The following PHF14 variants were observed in gnomAD, a reference collection of about 807,000 sequenced individuals.
PHF14 encodes PHD finger protein 14.
A neutral mutation model predicts 117.9 loss-of-function variants in PHF14; 55 were observed. That is an observed-to-expected ratio of 0.47 (90% confidence interval 0.38 to 0.58). PHF14 has a LOEUF of 0.58. Among genes scored for constraint, PHF14 ranks in the 20% least tolerant of loss-of-function variants. PHF14 has a pLI of 0.00. For synonymous variants in PHF14, 409 were observed against 368.6 expected (o/e 1.11, Z -1.26); for missense variants, 978 against 1,122.2 (o/e 0.87, Z 1.84).
intron 16 of PHF14, among the ~76,000 whole-genome samples, chr7:11,065,460 A>G (rs562216599): frequency 2.0e-5 from 3 of 152,244 alleles, no homozygotes; most frequent in Admixed American, 2.0e-4. Context: ...GTAATGACTG[A>G]GTATTCTTTT....
intron 4 of PHF14, among the ~76,000 whole-genome samples, chr7:11,005,478 T>G (rs905953654): frequency 2.0e-5 from 3 of 152,198 alleles, no homozygotes; most frequent in Admixed American, 6.5e-5. Flanking sequence ...CAAACACTTC[T>G]CTCTCTTTCT....
At chr7:10,978,944 A>T (rs1208676881) in intron 2 of PHF14, among the ~76,000 whole-genome samples, 2 of 152,182 alleles carry the variant, frequency 1.3e-5, no homozygotes, top group Non-Finnish European at 1.5e-5. Flanking sequence ...TTTTGGTCAA[A>T]CATAGCCCTG....
intron 16 of PHF14, among the ~76,000 whole-genome samples, chr7:11,075,065 G>A (rs1035922737): frequency 6.6e-6 from 1 of 151,330 alleles, no homozygotes; most frequent in African/African-American, 2.4e-5. Flanking sequence ...AGCCTCCTGA[G>A]TAGCTGGGAC....
chr7:11,131,616 G>A (rs1386244109), intron 17 of PHF14, among the ~76,000 whole-genome samples: 1 of 151,822 alleles, frequency 6.6e-6, no homozygotes, highest in African/African-American at 2.4e-5. Context: ...GTTTTTTGCA[G>A]AGTAGAAGTT....
intron 4 of PHF14, among the ~76,000 whole-genome samples, chr7:11,004,207 A>G (rs1294985112): frequency 6.8e-6 from 1 of 147,530 alleles, no homozygotes; most frequent in East Asian, 2.0e-4. Flanking sequence ...AGATTGCACC[A>G]CTGCATTCCA....
intron 7 of PHF14, 106 bp from the exon 8 acceptor site, chr7:11,035,534 G>A (rs1356901865): frequency 1.7e-6 from 1 of 586,736 alleles, no homozygotes; most frequent in Non-Finnish European, 2.7e-6. Context: ...GATGTAACTA[G>A]CACTAGTAGA....
In PHF14 at chr7:10,974,314, C is replaced by G. The variant is rs1165489716; in HGVS notation, c.-10C>G. On this transcript the variant is annotated 5_prime_UTR_variant, in exon 1 of 18. Transcript: ENST00000634607. ...AAGTCTTCTCCAAACGACCACCTCA[C>G]GGATTCCTTAGTAAGTGTATCCGAG... 1.9e-6 allele frequency: 3 copies of G among 1,590,570 alleles called. No homozygotes were observed. The African/African-American group carries it at 4.0e-5, about 21-fold the overall frequency.
intron 1 of PHF14, 149 bp from the exon 2 acceptor site, chr7:10,974,686 A>C: frequency 4.9e-6 from 3 of 612,362 alleles, no homozygotes; most frequent in Non-Finnish European, 8.7e-6. Context: ...CTGCTTCTGC[A>C]CCCCAACCTT....
intron 5 of PHF14, among the ~76,000 whole-genome samples, chr7:11,017,339 C>T (rs1562421990): frequency 6.6e-6 from 1 of 152,174 alleles, no homozygotes; most frequent in Non-Finnish European, 1.5e-5. Context: ...CATGGTTGTA[C>T]TAATATACAT....
chr7:11,166,447 TATCAATTATA>T (rs1789204135), intron 17 of PHF14, among the ~76,000 whole-genome samples: 1 of 152,210 alleles, frequency 6.6e-6, no homozygotes, highest in Non-Finnish European at 1.5e-5. Flanking sequence ...TGCAGTCATT[TATCAATTATA>T]TTTTATTTGC....
At chr7:11,005,787 CTTTTTTTTTTTTTT>C (rs951270672) in intron 4 of PHF14, among the ~76,000 whole-genome samples, 201 of 84,482 alleles carry the variant, frequency 2.4e-3, no homozygotes, top group African/African-American at 8.1e-3. Flanking sequence ...AGTAAAAATT[CTTTTTTTTTTTTTT>C]TTTTTTTTTT....
intron 17 of PHF14, among the ~76,000 whole-genome samples, chr7:11,117,606 T>TACAAATATGTATTTATATGTATAAAC: frequency 6.6e-6 from 1 of 151,274 alleles, no homozygotes; most frequent in East Asian, 1.9e-4. Context: ...TATGTATAAA[T>TACAAATATGTATTTATATGTATAAAC]ACAAATATGT....
intron 16 of PHF14, among the ~76,000 whole-genome samples, chr7:11,083,962 A>T (rs550177222): frequency 1.3e-5 from 2 of 152,218 alleles, no homozygotes; most frequent in African/African-American, 4.8e-5. Flanking sequence ...AGGTAGATTC[A>T]AGCAAAGTTT....
chr7:11,099,183 G>C (rs1786995886), intron 16 of PHF14, among the ~76,000 whole-genome samples: 1 of 152,016 alleles, frequency 6.6e-6, no homozygotes, highest in Admixed American at 6.6e-5. Context: ...TAATTAAGTT[G>C]ATTTGCTGAT....
chr7:11,141,479 C>T (rs1375166180), intron 17 of PHF14, among the ~76,000 whole-genome samples: 1 of 151,982 alleles, frequency 6.6e-6, no homozygotes, highest in Non-Finnish European at 1.5e-5. Context: ...GTATATATAT[C>T]TCACAGTATG....
intron 16 of PHF14, chr7:11,103,139 G>A (rs1787145657): frequency 1.0e-6 from 1 of 978,214 alleles, no homozygotes; most frequent in Non-Finnish European, 1.2e-6. Flanking sequence ...TGAAAGACTT[G>A]TGAAGCATAT....
intron 4 of PHF14, among the ~76,000 whole-genome samples, chr7:11,000,600 A>C (rs1224584429): frequency 3.9e-5 from 6 of 152,090 alleles, no homozygotes; most frequent in African/African-American, 1.4e-4. Context: ...TGGTCTCCCA[A>C]AGTGCTGGGA....
chr7:11,122,828 G>A (rs766806784), intron 17 of PHF14, among the ~76,000 whole-genome samples: 2 of 152,070 alleles, frequency 1.3e-5, no homozygotes, highest in Non-Finnish European at 2.9e-5. Context: ...AGCTTCAGTA[G>A]TGTTTTCTTG....
rs147160155 is a variant in PHF14 at position 11,094,287 on chromosome 7, C to T, written c.2655-17063C>T. On this transcript the variant is annotated intron_variant, in intron 16 of 17. Coordinates refer to ENST00000634607, the MANE Select transcript of PHF14 (RefSeq NM_001007157.2). ...ATTTTGGAAGACATAAGTCCAAAACCAGTTTCATTTGGTCAAGGTGTTCAG... is the reference window on the plus strand; with the variant it reads ...ATTTTGGAAGACATAAGTCCAAAACTAGTTTCATTTGGTCAAGGTGTTCAG... Among the ~76,000 whole-genome samples, 262 of 152,176 alleles carry T rather than the reference C, an allele frequency of 1.7e-3. 5 individuals carry two copies. Among genetic ancestry groups the T allele is most frequent in the African/African-American group, 5.9e-3 (246 of 41,506 alleles).
Sources: gnomAD v4.1 joint callset for allele counts (sites outside exome capture counted in the v4.1 genomes callset) on GRCh38, gnomAD v4.1.1 for gene constraint, MANE v1.5 for transcripts, NCBI Gene and HGNC (gene_info 2026-07-23, HGNC 2026-07-21) for gene names.